The following MYO19 variants were observed in gnomAD, a reference collection of about 807,000 sequenced individuals.
The protein encoded by MYO19 is unconventional myosin-XIX.
A neutral mutation model predicts 129.2 loss-of-function variants in MYO19; 132 were observed. That is an observed-to-expected ratio of 1.02 (90% CI 0.89 to 1.18). The LOEUF (loss-of-function observed/expected upper bound fraction) is 1.18, where lower values mean the gene tolerates loss of function less well. Among genes scored for constraint, MYO19 ranks in the 50% most tolerant of loss-of-function variants. MYO19 has a pLI of 0.00. For synonymous variants in MYO19, 531 were observed against 477.2 expected (o/e 1.11, Z -1.47); for missense variants, 1,210 against 1,216.7 (o/e 0.99, Z 0.08).
chr17:36,510,291 G>A (rs551911403), intron 13 of MYO19, among the ~76,000 whole-genome samples: 2 of 152,338 alleles, frequency 1.3e-5, no homozygotes, highest in East Asian at 3.9e-4. Flanking sequence ...GCTACATGCT[G>A]TGGGCTGAGC....
chr17:36,538,436 C>G, upstream of MYO19: 1 of 1,614,122 alleles, frequency 6.2e-7, no homozygotes, highest in African/African-American at 1.3e-5. Context: ...CAGCTCTAAA[C>G]AGAAAACAGT....
intron 7 of MYO19, 115 bp from the exon 8 acceptor site, chr17:36,515,297 C>T (rs185808166): frequency 1.2e-6 from 1 of 859,020 alleles, no homozygotes; most frequent in East Asian, 2.9e-5. Context: ...CCTAAAGGCC[C>T]CTTTGTTGGT....
upstream of MYO19, among the ~76,000 whole-genome samples, chr17:36,544,018 T>C (rs1599484930): frequency 6.6e-6 from 1 of 152,252 alleles, no homozygotes; most frequent in East Asian, 1.9e-4. Context: ...ATAGGCTAAA[T>C]ATCTTCACAA....
At chr17:36,511,215 G>A in intron 12 of MYO19, 150 bp downstream of exon 12, 2 of 796,318 alleles carry the variant, frequency 2.5e-6, no homozygotes, top group Non-Finnish European at 2.0e-6. Context: ...GACAGGGTGA[G>A]GAGTAAATGA....
At position 36,518,787 on chromosome 17, in the gene MYO19, TAGATAGATAGAC is replaced by T. The variant is rs1178785702; in HGVS notation, c.415-2809_415-2798del. On this transcript the variant is annotated intron_variant, in intron 6 of 25. Transcript: ENST00000614623. The stretch of plus-strand genomic sequence containing the variant: ...AGATTTAAACCCAGGCATAGTGAGA[TAGATAGATAGAC>T]AGATAGATAGATTTTTTTTCTTTAT... 1.6e-4 allele frequency among the ~76,000 whole-genome samples: 23 copies of T among 147,116 alleles called. No homozygotes were observed. In the East Asian group the frequency reaches 1.7e-3, roughly 11 times the overall value.
intron 6 of MYO19, among the ~76,000 whole-genome samples, chr17:36,524,221 T>A (rs544626615): frequency 1.7e-4 from 26 of 152,144 alleles, no homozygotes; most frequent in Non-Finnish European, 3.4e-4. Flanking sequence ...CAAGCCCTCA[T>A]CCCTGCAACT....
chr17:36,534,671 A>T (rs926944873), intron 1 of MYO19, 90 bp downstream of exon 1: 4 of 152,546 alleles, frequency 2.6e-5, no homozygotes, highest in Non-Finnish European at 5.9e-5. Context: ...GGAGACGCCT[A>T]CTTCTTCCTC....
intron 14 of MYO19, 69 bp from the exon 15 acceptor site, chr17:36,507,993 C>A: frequency 6.7e-7 from 1 of 1,491,778 alleles, no homozygotes; most frequent in Non-Finnish European, 8.9e-7. Flanking sequence ...ACCAAGGAAC[C>A]CAGGGTGGCT....
At chr17:36,524,315 C>T (rs556695850) in intron 6 of MYO19, among the ~76,000 whole-genome samples, 45 of 152,334 alleles carry the variant, frequency 3.0e-4, no homozygotes, top group African/African-American at 1.1e-3. Flanking sequence ...CCCCCTGCCA[C>T]CCCTCAGTGC....
chr17:36,519,218 T>C (rs542825798), intron 6 of MYO19, among the ~76,000 whole-genome samples: 2 of 152,330 alleles, frequency 1.3e-5, no homozygotes, highest in South Asian at 4.1e-4. Context: ...TATATATTTT[T>C]CCTTTCAATG....
intron 19 of MYO19, 63 bp from the exon 20 acceptor site, chr17:36,504,083 T>C: frequency 7.4e-7 from 1 of 1,345,594 alleles, no homozygotes; most frequent in Non-Finnish European, 1.0e-6. Context: ...AGAAATGCCA[T>C]TCTCTCAGCC....
chr17:36,543,090 A>G (rs1271352554), intron 1 of MYO19: 1 of 152,226 alleles, frequency 6.6e-6, no homozygotes, highest in African/African-American at 2.4e-5. Flanking sequence ...GTATATGAAC[A>G]TCATACATAC....
At chr17:36,507,321 G>A in intron 16 of MYO19, 78 bp downstream of exon 16, 1 of 1,467,546 alleles carries the variant, frequency 6.8e-7, no homozygotes, top group East Asian at 2.3e-5. Flanking sequence ...GGCACAGAGA[G>A]GAAACAGGAT....
At chr17:36,537,354 G>T (rs117789606), upstream of MYO19, 5 of 1,613,622 alleles carry the variant, frequency 3.1e-6, no homozygotes, top group Non-Finnish European at 4.2e-6. Flanking sequence ...TGAGCTTCTC[G>T]GTGTAATTAT....
upstream of MYO19, chr17:36,537,509 C>T (rs773404673): frequency 5.3e-5 from 85 of 1,613,980 alleles, no homozygotes; most frequent in East Asian, 1.8e-3. Context: ...GTGTAATTAC[C>T]AGTGCGTTTA....
upstream of MYO19, among the ~76,000 whole-genome samples, chr17:36,536,737 ACTC>A (rs2074140639): frequency 6.6e-6 from 1 of 151,084 alleles, no homozygotes. Flanking sequence ...CTGGTCTCGA[ACTC>A]CTGACCTCAG....
At chr17:36,527,479 CA>C (rs2073546543) in intron 5 of MYO19, 71 bp downstream of exon 5, 3 of 1,513,430 alleles carry the variant, frequency 2.0e-6, no homozygotes, top group Non-Finnish European at 8.9e-7. Context: ...TGAATAAGGA[CA>C]GGGGTAACTG....
chr17:36,512,885 T>G, intron 11 of MYO19: 1 of 1,139,930 alleles, frequency 8.8e-7, no homozygotes, highest in Non-Finnish European at 1.1e-6. Context: ...TGGGGCAGTC[T>G]CATGTTCCAG....
Position 36,509,321 on chromosome 17 carries a change from C to T in MYO19, c.1158-186G>A, listed in dbSNP as rs558941887. On this transcript the variant is annotated intron_variant, in intron 13 of 25. Coordinates refer to ENST00000614623, the MANE Select transcript of MYO19 (RefSeq NM_001163735.2). The stretch of plus-strand genomic sequence containing the variant: ...CGTCTTGACCTACTACAGATGCAGG[C>T]TATGGGCATGCATGTTGCCAGGTAC... 12 of 616,756 alleles carry T rather than the reference C, an allele frequency of 1.9e-5. No homozygotes were observed. The African/African-American group carries it at 2.0e-4, about 10-fold the overall frequency. The allele number at this position is 616,756 out of a possible 1,614,324, so 38.2% of individuals were successfully genotyped here.
Sources: gnomAD v4.1 joint callset for allele counts (sites outside exome capture counted in the v4.1 genomes callset) on GRCh38, gnomAD v4.1.1 for gene constraint, MANE v1.5 for transcripts, NCBI Gene and HGNC (gene_info 2026-07-23, HGNC 2026-07-21) for gene names.